The following DOCK10 variants were observed in gnomAD, a reference collection of about 807,000 sequenced individuals.
The protein encoded by DOCK10 is dedicator of cytokinesis protein 10.
Under a neutral mutation model 280.1 loss-of-function variants are expected in DOCK10, and 145 were observed. The observed-to-expected ratio is 0.52, with a 90% confidence interval of 0.45 to 0.59. The LOEUF is 0.59. Ranked by LOEUF, DOCK10 falls within the 20% of genes least tolerant of loss-of-function variation. DOCK10 has a pLI of 0.00. For synonymous variants in DOCK10, 915 were observed against 942.2 expected (o/e 0.97, Z 0.53); for missense variants, 2,368 against 2,651.7 (o/e 0.89, Z 2.35).
intron 3 of DOCK10, among the ~76,000 whole-genome samples, chr2:224,913,575 G>A (rs185588873): frequency 2.3e-4 from 35 of 152,190 alleles, no homozygotes; most frequent in Admixed American, 1.2e-3. Context: ...ATTTTATTTT[G>A]ACTCTGTGTA....
chr2:224,874,775 G>C, intron 8 of DOCK10, 24 bp from the exon 9 acceptor site: 6 of 1,595,360 alleles, frequency 3.8e-6, no homozygotes, highest in Non-Finnish European at 3.4e-6. Context: ...ACCAAGTCAG[G>C]TTATTAAATA....
intron 3 of DOCK10, among the ~76,000 whole-genome samples, chr2:224,914,411 A>T (rs1701200382): frequency 6.6e-6 from 1 of 152,232 alleles, no homozygotes; most frequent in African/African-American, 2.4e-5. Flanking sequence ...AGTAAAAACA[A>T]TTAGAAGGCA....
At position 225,014,081 on chromosome 2, in the gene DOCK10, A is replaced by ATATAT. The variant is rs776104946; in HGVS notation, c.123+28170_123+28171insATATA. Among the ~76,000 whole-genome samples the ATATAT allele has an allele frequency of 8.9e-3, 859 of 96,704 alleles. 34 individuals carry two copies. Among genetic ancestry groups the ATATAT allele is most frequent in the Middle Eastern group, 0.034 (5 of 146 alleles). The allele number at this position is 96,704 out of a possible 152,430, so 63.4% of individuals were successfully genotyped here. A position where few individuals can be genotyped will look rare whatever the true frequency, so the allele number is the denominator to read the frequency against. On this transcript the variant is annotated intron_variant, in intron 1 of 55. Transcript: ENST00000258390. ...AAAAAATCCCCAGAAGTCTGAATAT[A>ATATAT]TTGTTTTTTTTTTTTTGTTTTTTTT...
chr2:224,856,661 T>C (rs548452346), intron 15 of DOCK10, among the ~76,000 whole-genome samples, 199 bp downstream of exon 15: 1 of 152,356 alleles, frequency 6.6e-6, no homozygotes, highest in South Asian at 2.1e-4. Flanking sequence ...TGACATAGTT[T>C]AACATTTCAC....
In DOCK10 at chr2:224,802,043, G is replaced by A; in HGVS notation, c.4269-3C>T. On this transcript the variant is annotated splice_region_variant and splice_polypyrimidine_tract_variant and intron_variant, in intron 39 of 55. Coordinates refer to ENST00000258390, the MANE Select transcript of DOCK10 (RefSeq NM_014689.3). ...CATGACTGGAAGTGGAGTGCATCCT[G>A]AAAACAAAAAAAGAAAAGTGGTTAG... is the stretch of plus-strand genomic sequence containing the variant. 6.2e-7 allele frequency: 1 copy of A among 1,604,458 alleles called. No homozygotes were observed. The highest frequency in any genetic ancestry group is 8.5e-7 in the Non-Finnish European group (1 of 1,176,740).
chr2:224,998,724 T>G (rs1468807590), intron 1 of DOCK10, among the ~76,000 whole-genome samples: 1 of 152,226 alleles, frequency 6.6e-6, no homozygotes, highest in Non-Finnish European at 1.5e-5. Flanking sequence ...TCTTCCCTTC[T>G]TCTTTTCCCA....
At chr2:224,908,204 A>AT (rs1700788108) in intron 3 of DOCK10, among the ~76,000 whole-genome samples, 1 of 76,046 alleles carries the variant, frequency 1.3e-5, no homozygotes, top group Non-Finnish European at 2.7e-5. Flanking sequence ...GTGTGTGTGT[A>AT]TTTTTTATGG....
rs760802532 is a variant in DOCK10, at chr2:224,797,911, T to C, written c.4565A>G (p.Tyr1522Cys). 2.5e-6 allele frequency: 4 copies of C among 1,613,888 alleles called. No homozygotes were observed. In the Admixed American group the frequency reaches 5.0e-5, roughly 20 times the overall value. The change falls in exon 42 of 56, where the codon TAC becomes TGC. Residue 1522 changes from tyrosine (Y) to cysteine (C), a missense_variant. Transcript: ENST00000258390. ...CTGATTGACTTGGAAAAAGAGCATGTAGGTATCAAAGACCCTTTTCATCAA... is the reference window on the plus strand; with the variant it reads ...CTGATTGACTTGGAAAAAGAGCATGCAGGTATCAAAGACCCTTTTCATCAA... ...NSLMKRVFDT[Y>C]MLFFQVNQSA...
At chr2:224,955,622 T>C (rs528169805) in intron 1 of DOCK10, among the ~76,000 whole-genome samples, 57 of 152,346 alleles carry the variant, frequency 3.7e-4, no homozygotes, top group African/African-American at 1.3e-3. Flanking sequence ...TTGATTTAAG[T>C]GTTTAATGCC....
rs1315011187 is a variant in DOCK10 at position 224,787,119 on chromosome 2, T to C, written c.5558A>G (p.Tyr1853Cys). Residue 1853 changes from tyrosine to cysteine, a missense_variant, in exon 50 of 56, where the codon TAC becomes TGC. Around this residue, in one of 2 missense-constraint regions of DOCK10, gnomAD observed 1,159 missense variants for 1,400.8 expected, o/e 0.83. Coordinates refer to ENST00000258390, the MANE Select transcript of DOCK10 (RefSeq NM_014689.3). ...QRDFKKLSDL[Y>C]YDIHRSYLKV... Reference sequence around the variant, plus strand: ...CAGATATGACCGATGAATGTCGTAGTAGAGATCTGACAATTTCTGAAACCA... The same window carrying C: ...CAGATATGACCGATGAATGTCGTAGCAGAGATCTGACAATTTCTGAAACCA... 3.1e-6 allele frequency: 5 copies of C among 1,613,744 alleles called. No individual in the cohort carries two copies. The highest frequency in any genetic ancestry group is 4.2e-6 in the Non-Finnish European group (5 of 1,179,716).
At chr2:224,976,976 C>A (rs1408080279) in intron 1 of DOCK10, among the ~76,000 whole-genome samples, 1 of 152,178 alleles carries the variant, frequency 6.6e-6, no homozygotes, top group Non-Finnish European at 1.5e-5. Context: ...AATTCTGAAG[C>A]ACCAACAGAG....
At chr2:224,783,563 C>T (rs913120857) in intron 50 of DOCK10, among the ~76,000 whole-genome samples, 5 of 151,938 alleles carry the variant, frequency 3.3e-5, no homozygotes, top group African/African-American at 7.3e-5. Flanking sequence ...TGTGAGCCAC[C>T]GCGCCCAGCC....
chr2:224,807,519 G>C (rs967247887), intron 33 of DOCK10, 149 bp downstream of exon 33: 3 of 576,024 alleles, frequency 5.2e-6, no homozygotes, highest in African/African-American at 3.8e-5. Flanking sequence ...TGGAACAAAT[G>C]ACACATTGAT....
intron 47 of DOCK10, among the ~76,000 whole-genome samples, chr2:224,791,563 C>G (rs1692196140): frequency 6.6e-6 from 1 of 151,198 alleles, no homozygotes; most frequent in Non-Finnish European, 1.5e-5. Context: ...CTCCTGGGTT[C>G]AAGCAATTCT....
intron 1 of DOCK10, chr2:224,947,206 C>T: frequency 2.3e-6 from 1 of 431,144 alleles, no homozygotes; most frequent in South Asian, 5.0e-5. Flanking sequence ...TAAAGCAACA[C>T]AAAATGACTT....
chr2:224,947,459 C>A (rs1432797972), intron 1 of DOCK10, among the ~76,000 whole-genome samples: 1 of 152,118 alleles, frequency 6.6e-6, no homozygotes, highest in African/African-American at 2.4e-5. Flanking sequence ...AAGTGATCTT[C>A]CGAGGGGAGT....
intron 3 of DOCK10, among the ~76,000 whole-genome samples, chr2:224,900,411 C>T (rs1700229648): frequency 6.6e-6 from 1 of 152,116 alleles, no homozygotes; most frequent in Non-Finnish European, 1.5e-5. Context: ...ATTAGAGAGG[C>T]AAGCAGAGGT....
At chr2:224,901,693 A>T (rs1007004540) in intron 3 of DOCK10, among the ~76,000 whole-genome samples, 2 of 152,240 alleles carry the variant, frequency 1.3e-5, no homozygotes, top group Non-Finnish European at 2.9e-5. Context: ...GGGAGTGCCA[A>T]GAAATCTACA....
At chr2:224,872,534 G>C (rs990616586) in intron 11 of DOCK10, among the ~76,000 whole-genome samples, 1 of 151,988 alleles carries the variant, frequency 6.6e-6, no homozygotes, top group Non-Finnish European at 1.5e-5. Context: ...CTACACCTGG[G>C]GTAGGAGGCT....
Sources: gnomAD v4.1 joint callset for allele counts (sites outside exome capture counted in the v4.1 genomes callset) on GRCh38, gnomAD v4.1.1 for gene constraint, gnomAD v4.1.1 regional missense constraint, MANE v1.5 for transcripts, NCBI Gene and HGNC (gene_info 2026-07-23, HGNC 2026-07-21) for gene names.